The following TAFA4 variants were observed in gnomAD, a reference collection of about 807,000 sequenced individuals.
TAFA4 encodes the protein chemokine-like protein TAFA-4.
TAFA4 carries 20 observed loss-of-function variants against 21.1 expected under a neutral mutation model. The observed-to-expected ratio is 0.95, with a 90% confidence interval of 0.67 to 1.38. The LOEUF is 1.38. Ranked by LOEUF, TAFA4 falls within the 40% of genes most tolerant of loss-of-function variation. The probability of loss-of-function intolerance (pLI) is 0.00; values close to 1 mark genes in which losing one functional copy is unlikely to be tolerated. For missense variants in TAFA4, 211 were observed against 180.9 expected, an observed-to-expected ratio of 1.17 and a Z score of -0.95; for synonymous variants, 71 against 67.4, an observed-to-expected ratio of 1.05 and a Z score of -0.26.
At chr3:68,852,025 C>A (rs1704963105) in intron 3 of TAFA4, among the ~76,000 whole-genome samples, 1 of 152,138 alleles carries the variant, frequency 6.6e-6, no homozygotes. Flanking sequence ...GTTTTAACAG[C>A]TCCGCAGTGA....
At chr3:68,740,923 T>G (rs945673142) in intron 4 of TAFA4, among the ~76,000 whole-genome samples, 7 of 152,194 alleles carry the variant, frequency 4.6e-5, no homozygotes, top group African/African-American at 1.7e-4. Flanking sequence ...CATTGTGTAG[T>G]CTTGTCACCC....
At chr3:68,753,633 G>A (rs531726549) in intron 3 of TAFA4, among the ~76,000 whole-genome samples, 61 of 152,158 alleles carry the variant, frequency 4.0e-4, no homozygotes, top group Non-Finnish European at 7.9e-4. Flanking sequence ...ACCGTCACTG[G>A]CCAACTGGTT....
At chr3:68,733,266 T>C (rs1408048661) in intron 5 of TAFA4, 113 bp from the exon 6 acceptor site, 6 of 1,362,000 alleles carry the variant, frequency 4.4e-6, no homozygotes, top group Non-Finnish European at 6.0e-6. Flanking sequence ...AGTTTGTACA[T>C]TTACCTATAA....
At chr3:68,803,021 T>C (rs1703608999) in intron 3 of TAFA4, among the ~76,000 whole-genome samples, 1 of 152,226 alleles carries the variant, frequency 6.6e-6, no homozygotes, top group South Asian at 2.1e-4. Context: ...TCTAGCTTTT[T>C]TTCCCTTGTT....
intron 1 of TAFA4, among the ~76,000 whole-genome samples, chr3:68,918,739 C>A (rs1194030381): frequency 6.6e-6 from 1 of 152,150 alleles, no homozygotes; most frequent in Non-Finnish European, 1.5e-5. Flanking sequence ...CATGGTTTCA[C>A]CATGTTGCCC....
intron 3 of TAFA4, among the ~76,000 whole-genome samples, chr3:68,864,839 G>T (rs2089395809): frequency 6.9e-6 from 1 of 144,478 alleles, no homozygotes; most frequent in Non-Finnish European, 1.5e-5. Context: ...AAGAATCATA[G>T]AACAATTATG....
At chr3:68,814,674 A>ATTC in intron 3 of TAFA4, among the ~76,000 whole-genome samples, 1 of 152,232 alleles carries the variant, frequency 6.6e-6, no homozygotes. Context: ...GGATACAAAC[A>ATTC]CATGGAAGAA....
At chr3:68,864,028 T>G (rs1047929297) in intron 3 of TAFA4, among the ~76,000 whole-genome samples, 6 of 152,082 alleles carry the variant, frequency 3.9e-5, no homozygotes, top group Non-Finnish European at 5.9e-5. Context: ...AAACAACCTG[T>G]GTGATCTCGG....
intron 3 of TAFA4, among the ~76,000 whole-genome samples, chr3:68,826,535 C>T (rs11918671): frequency 0.45 from 66,456 of 147,666 alleles, 15,515 homozygotes; most frequent in African/African-American, 0.54. Context: ...ATCGCGCCAC[C>T]GCACTCCAGC....
intron 3 of TAFA4, among the ~76,000 whole-genome samples, chr3:68,796,816 T>G (rs1453471333): frequency 1.3e-5 from 2 of 152,106 alleles, no homozygotes; most frequent in Non-Finnish European, 2.9e-5. Context: ...AATTTAAAAA[T>G]GGCCAAAGGA....
At position 68,732,412 on chromosome 3, in the gene TAFA4, T is replaced by C. The variant is rs1172697611; in HGVS notation, c.*730A>G. ...AAAATTCCAACAAGTTTTATAAATA[T>C]GTTCTGATAGAGCTTTGGTTATAAA... On this transcript the variant is annotated 3_prime_UTR_variant, in exon 6 of 6. Transcript: ENST00000295569. 3 of 152,624 alleles carry C rather than the reference T, an allele frequency of 2.0e-5. No individual in the cohort carries two copies. The highest frequency in any genetic ancestry group is 2.0e-4 in the Admixed American group (3 of 15,264). The allele number at this position is 152,624 out of a possible 1,614,324, so 9.5% of individuals were successfully genotyped here.
chr3:68,829,764 T>C (rs1472399481), intron 3 of TAFA4, among the ~76,000 whole-genome samples: 1 of 152,228 alleles, frequency 6.6e-6, no homozygotes, highest in Non-Finnish European at 1.5e-5. Context: ...CAAGGAATGG[T>C]ACCTGGTCAT....
intron 3 of TAFA4, among the ~76,000 whole-genome samples, chr3:68,780,333 G>T (rs1327316245): frequency 6.6e-6 from 1 of 152,184 alleles, no homozygotes; most frequent in Non-Finnish European, 1.5e-5. Flanking sequence ...GGCATGATTG[G>T]TTTTGAAATG....
chr3:68,736,604 A>T (rs1281489001), intron 5 of TAFA4, among the ~76,000 whole-genome samples: 1 of 152,104 alleles, frequency 6.6e-6, no homozygotes, highest in Non-Finnish European at 1.5e-5. Context: ...GGAAACTATT[A>T]TTGTTATACA....
Position 68,733,167 on chromosome 3 carries a change from A to G in TAFA4, c.412-14T>C, listed in dbSNP as rs774035566. On this transcript the variant is annotated splice_polypyrimidine_tract_variant and intron_variant, in intron 5 of 5. Transcript: ENST00000295569. ...CTACCGCGTTACCTAAAACAAATCA[A>G]AATAAGGGAACATTCAACACTCTAT... The G allele has an allele frequency of 6.2e-7, 1 of 1,612,962 alleles. No homozygotes were observed. Among genetic ancestry groups the G allele is most frequent in the Non-Finnish European group, 8.5e-7 (1 of 1,179,282 alleles).
At chr3:68,742,493 T>C (rs9836496) in intron 4 of TAFA4, among the ~76,000 whole-genome samples, 97,045 of 151,884 alleles carry the variant, frequency 0.64, 31,656 homozygotes, top group East Asian at 0.93. Context: ...CTACTTTTTA[T>C]TGAGGGCCAG....
intron 3 of TAFA4, among the ~76,000 whole-genome samples, chr3:68,850,904 AT>A (rs1419949964): frequency 6.6e-6 from 1 of 151,962 alleles, no homozygotes; most frequent in Admixed American, 6.6e-5. Flanking sequence ...CCATTTGTCA[AT>A]TTTTGCTTTT....
chr3:68,765,823 A>T (rs1005317783), intron 3 of TAFA4, among the ~76,000 whole-genome samples: 6 of 152,160 alleles, frequency 3.9e-5, no homozygotes, highest in African/African-American at 1.4e-4. Flanking sequence ...AGACAGGCAG[A>T]AGTGGATACC....
chr3:68,809,519 A>ATTTTTTTTTTTTTTTTTTTTTTTTTT (rs200107940), intron 3 of TAFA4, among the ~76,000 whole-genome samples: 1 of 127,140 alleles, frequency 7.9e-6, no homozygotes, highest in African/African-American at 3.0e-5. Context: ...CACTATGTTG[A>ATTTTTTTTTTTTTTTTTTTTTTTTTT]TTTTTTTTTT....
Sources: gnomAD v4.1 joint callset for allele counts (sites outside exome capture counted in the v4.1 genomes callset) on GRCh38, gnomAD v4.1.1 for gene constraint, MANE v1.5 for transcripts, NCBI Gene and HGNC (gene_info 2026-07-23, HGNC 2026-07-21) for gene names.